LRP1B: variants seen among roughly 807,000 people sequenced by gnomAD.
LRP1B encodes LDL receptor related protein 1B.
Under a neutral mutation model 556.6 loss-of-function variants are expected in LRP1B, and 217 were observed. That is an observed-to-expected ratio of 0.39 (90% confidence interval 0.35 to 0.44). The LOEUF is 0.44. LRP1B is among the 20% of genes least tolerant of loss of function. The pLI is 1.00. For synonymous variants in LRP1B, 2,047 were observed against 1,865.8 expected (o/e 1.10, Z -2.50); for missense variants, 5,053 against 5,620.8 (o/e 0.90, Z 3.23).
At chr2:141,430,816 G>C (rs953498202) in intron 3 of LRP1B, among the ~76,000 whole-genome samples, 13 of 152,000 alleles carry the variant, frequency 8.6e-5, no homozygotes, top group Non-Finnish European at 1.3e-4. Context: ...AGACAATTAA[G>C]GTTCCTAATC....
At chr2:140,810,735 G>A (rs1352190574) in intron 32 of LRP1B, among the ~76,000 whole-genome samples, 8 of 152,016 alleles carry the variant, frequency 5.3e-5, no homozygotes, top group African/African-American at 1.7e-4. Flanking sequence ...GGCATTACGA[G>A]GTTTTTTGTT....
intron 2 of LRP1B, among the ~76,000 whole-genome samples, chr2:141,732,491 G>A (rs892916033): frequency 3.3e-5 from 5 of 152,002 alleles, no homozygotes; most frequent in East Asian, 1.9e-4. Context: ...CCAACCCTTC[G>A]TCTTTCTGTA....
rs1357297450 is a variant in LRP1B, at chr2:140,358,109, C to T, written c.11265G>A (p.Leu3755=). ...NSDEDHCGGK[L]TYKARPCKKD... ...TTTTACAAGGCCTTGCTTTATATGT[C>T]AGCTTACCTATAGAGTCATACAAAA... Residue 3755 remains leucine, a synonymous_variant, in exon 74 of 91, where the codon CTG becomes CTA. Transcript: ENST00000389484. The T allele has an allele frequency of 2.5e-6, 4 of 1,610,448 alleles. No homozygotes were observed. The African/African-American group carries it at 5.4e-5, about 22-fold the overall frequency.
intron 87 of LRP1B, among the ~76,000 whole-genome samples, chr2:140,246,464 C>A (rs1681166721): frequency 6.6e-6 from 1 of 150,966 alleles, no homozygotes; most frequent in South Asian, 2.1e-4. Context: ...CACAGACACA[C>A]AACGATGATA....
chr2:140,400,215 C>G (rs1025118518), intron 66 of LRP1B, among the ~76,000 whole-genome samples: 5 of 152,216 alleles, frequency 3.3e-5, no homozygotes, highest in African/African-American at 1.2e-4. Context: ...GCAACTCTGC[C>G]TGAGCCCAAT....
chr2:141,688,084 A>G lies in LRP1B; in HGVS notation c.205+122195T>C, dbSNP rs549310541. Among the ~76,000 whole-genome samples the G allele has an allele frequency of 1.6e-3, 246 of 151,926 alleles. 3 individuals are homozygous for G. The highest frequency in any genetic ancestry group is 5.6e-3 in the African/African-American group (231 of 41,498). Reference sequence around the variant, plus strand: ...GGCCATCCAAAAGATAAAGCCAAGCATCAACATTAAGTCATGGGCTAGGAT... The same window carrying G: ...GGCCATCCAAAAGATAAAGCCAAGCGTCAACATTAAGTCATGGGCTAGGAT... On this transcript the variant is annotated intron_variant, in intron 2 of 90. Coordinates refer to ENST00000389484, the MANE Select transcript of LRP1B (RefSeq NM_018557.3).
chr2:140,812,594 AAAC>A (rs935657327), intron 32 of LRP1B, among the ~76,000 whole-genome samples: 37 of 152,040 alleles, frequency 2.4e-4, no homozygotes, highest in Middle Eastern at 3.4e-3. Flanking sequence ...AAAAATAATA[AAAC>A]AACAACAACA....
chr2:141,675,329 C>T (rs139897610), intron 2 of LRP1B, among the ~76,000 whole-genome samples: 1 of 151,820 alleles, frequency 6.6e-6, no homozygotes, highest in East Asian at 1.9e-4. Context: ...TTTTTCCCAG[C>T]TTAAAGTTAC....
At chr2:141,561,622 T>C (rs775523470) in intron 2 of LRP1B, among the ~76,000 whole-genome samples, 99 of 151,894 alleles carry the variant, frequency 6.5e-4, no homozygotes, top group South Asian at 1.4e-3. Flanking sequence ...TAAATGTCTT[T>C]GTTTAAACAT....
intron 2 of LRP1B, among the ~76,000 whole-genome samples, chr2:141,501,844 G>A (rs181395691): frequency 6.6e-6 from 1 of 152,252 alleles, no homozygotes; most frequent in East Asian, 1.9e-4. Context: ...TAGAACTGAT[G>A]TCAGATGCTC....
chr2:140,641,732 C>CT (rs1054494956), intron 41 of LRP1B, among the ~76,000 whole-genome samples: 10 of 152,148 alleles, frequency 6.6e-5, no homozygotes, highest in African/African-American at 1.9e-4. Flanking sequence ...TGGTAAGTGA[C>CT]TTTTTTCTGT....
At chr2:140,266,938 A>C (rs1385185895) in intron 86 of LRP1B, among the ~76,000 whole-genome samples, 3 of 152,106 alleles carry the variant, frequency 2.0e-5, no homozygotes, top group Admixed American at 2.0e-4. Context: ...GTTACAGCAT[A>C]AAGACTGCAA....
chr2:140,912,658 G>C (rs765993737), intron 21 of LRP1B, among the ~76,000 whole-genome samples: 20 of 151,558 alleles, frequency 1.3e-4, no homozygotes, highest in Admixed American at 3.3e-4. Flanking sequence ...ACATGTCAAA[G>C]ACTCTATTTT....
chr2:140,296,436 T>G lies in LRP1B; in HGVS notation c.12967+1372A>C, dbSNP rs1683607287. 1.3e-5 allele frequency among the ~76,000 whole-genome samples: 2 copies of G among 152,258 alleles called. 1 individual carries two copies. Among genetic ancestry groups the G allele is most frequent in the African/African-American group, 4.8e-5 (2 of 41,550 alleles). On this transcript the variant is annotated intron_variant, in intron 84 of 90. Coordinates refer to ENST00000389484, the MANE Select transcript of LRP1B (RefSeq NM_018557.3). ...AATCTTGGGGTAAAAACAAATCAGT[T>G]TAAATTAGAGTGATAACAAGCTGTC...
intron 2 of LRP1B, among the ~76,000 whole-genome samples, chr2:141,670,948 G>A (rs543189439): frequency 4.0e-4 from 61 of 152,166 alleles, no homozygotes; most frequent in African/African-American, 1.4e-3. Flanking sequence ...ACTCATAAAA[G>A]GTATCTGAAT....
intron 3 of LRP1B, among the ~76,000 whole-genome samples, chr2:141,430,252 A>C (rs78377815): frequency 2.6e-5 from 4 of 152,208 alleles, no homozygotes; most frequent in Admixed American, 2.0e-4. Context: ...TAAGCAAAGC[A>C]TCTTAATGAA....
chr2:142,085,856 T>G (rs1705898604), intron 1 of LRP1B, among the ~76,000 whole-genome samples: 1 of 152,194 alleles, frequency 6.6e-6, no homozygotes, highest in Non-Finnish European at 1.5e-5. Context: ...TGAACGCTTA[T>G]CCAGGACAGA....
At chr2:141,478,783 G>T (rs1217707612) in intron 3 of LRP1B, among the ~76,000 whole-genome samples, 1 of 152,086 alleles carries the variant, frequency 6.6e-6, no homozygotes, top group Non-Finnish European at 1.5e-5. Flanking sequence ...GACGTCAGGT[G>T]ATCTGCCTGC....
chr2:140,861,292 A>G lies in LRP1B; in HGVS notation c.4579+6298T>C, dbSNP rs1282667967. Among the ~76,000 whole-genome samples the G allele has an allele frequency of 3.3e-5, 5 of 152,290 alleles. No homozygotes were observed. The East Asian group carries it at 9.6e-4, about 29-fold the overall frequency. On this transcript the variant is annotated intron_variant, in intron 27 of 90. Transcript: ENST00000389484. ...CAAGGTGGCACGTGACTGTAATCCA[A>G]GCTACTTGGGAGGCAGAGGCTGGAG...
Sources: allele counts gnomAD v4.1 joint callset (sites outside exome capture counted in the v4.1 genomes callset), GRCh38; gene constraint gnomAD v4.1.1; transcripts MANE v1.5; gene names NCBI Gene and HGNC (gene_info 2026-07-23, HGNC 2026-07-21).